Variants in GOLM1 observed in about 807,000 individuals in gnomAD.
GOLM1 encodes the protein golgi membrane protein 1.
In GOLM1, 31 loss-of-function variants were observed where a neutral mutation model predicts 50.5. The observed-to-expected ratio is 0.61, with a 90% CI of 0.46 to 0.83. GOLM1 has a LOEUF of 0.83. Among genes scored for constraint, GOLM1 ranks in the 40% least tolerant of loss-of-function variants. The probability of loss-of-function intolerance (pLI) is 0.00; values close to 1 mark genes in which losing one functional copy is unlikely to be tolerated. For missense variants in GOLM1, 491 were observed against 501.3 expected (o/e 0.98, Z 0.20); for synonymous variants, 178 against 192.8 (o/e 0.92, Z 0.64).
chr9:86,040,472 A>G (rs1833304011), intron 6 of GOLM1, among the ~76,000 whole-genome samples: 1 of 152,156 alleles, frequency 6.6e-6, no homozygotes. Flanking sequence ...TCAAGTCAGG[A>G]AAACAGCAAC....
intron 4 of GOLM1, among the ~76,000 whole-genome samples, chr9:86,051,640 G>T (rs1421855738): frequency 6.6e-6 from 1 of 152,152 alleles, no homozygotes; most frequent in Non-Finnish European, 1.5e-5. Flanking sequence ...CAAGCTTTTG[G>T]GGGTGATGAA....
intron 3 of GOLM1, among the ~76,000 whole-genome samples, chr9:86,065,650 G>A (rs1834287302): frequency 4.6e-5 from 7 of 152,134 alleles, no homozygotes; most frequent in South Asian, 2.1e-4. Flanking sequence ...CTCAGGTGCC[G>A]GGAGCCTTCC....
intron 6 of GOLM1, chr9:86,036,725 ATAC>A: frequency 3.5e-6 from 2 of 572,200 alleles, no homozygotes; most frequent in Non-Finnish European, 6.1e-6. Context: ...AGTACTGTCA[ATAC>A]AGAATAAAAC....
At chr9:86,055,127 C>G (rs901557751) in intron 3 of GOLM1, among the ~76,000 whole-genome samples, 17 of 152,100 alleles carry the variant, frequency 1.1e-4, no homozygotes, top group African/African-American at 4.1e-4. Flanking sequence ...GGATGCATGC[C>G]CACAAATGAA....
chr9:86,069,894 C>CT (rs58259790), intron 3 of GOLM1, among the ~76,000 whole-genome samples: 54,525 of 151,634 alleles, frequency 0.36, 12,676 homozygotes, highest in African/African-American at 0.65. Flanking sequence ...ATCTTTTTTT[C>CT]TTTTTTTGAG....
At chr9:86,048,365 T>C (rs1017215198) in intron 4 of GOLM1, among the ~76,000 whole-genome samples, 3 of 152,190 alleles carry the variant, frequency 2.0e-5, no homozygotes, top group Non-Finnish European at 4.4e-5. Flanking sequence ...ATAGCATGAT[T>C]TATAATCCTT....
At chr9:86,032,183 T>C (rs1230891210) in intron 9 of GOLM1, among the ~76,000 whole-genome samples, 1 of 151,988 alleles carries the variant, frequency 6.6e-6, no homozygotes, top group Non-Finnish European at 1.5e-5. Flanking sequence ...GTTGTTGTTG[T>C]TGAGATGGAT....
chr9:86,079,256 A>G lies in GOLM1; in HGVS notation c.65T>C (p.Val22Ala), dbSNP rs775256667. ...GAAGCCCAAGACGATGATGCAGGCC[A>G]CCAGGGCGGCCAGCACGAGGGGCGG... ...KSPPLVLAAL[V>A]ACIIVLGFNY... Residue 22 changes from valine (V) to alanine (A), a missense_variant, in exon 2 of 10, where the codon GTG becomes GCG. Physicochemically the swap from Val to Ala is moderately conservative, Grantham distance 64. Transcript: ENST00000388712. 1.7e-5 allele frequency: 27 copies of G among 1,610,914 alleles called. No homozygotes were observed. The highest frequency in any genetic ancestry group is 2.1e-5 in the Non-Finnish European group (25 of 1,177,602).
intron 4 of GOLM1, among the ~76,000 whole-genome samples, chr9:86,047,034 C>G (rs1035458963): frequency 1.3e-4 from 20 of 152,200 alleles, no homozygotes; most frequent in African/African-American, 4.8e-4. Flanking sequence ...ACACCCTGCC[C>G]TCGGCCACCA....
chr9:86,054,029 T>C (rs1045316655), intron 3 of GOLM1, among the ~76,000 whole-genome samples: 3 of 152,126 alleles, frequency 2.0e-5, no homozygotes, highest in South Asian at 2.1e-4. Context: ...CTGGCCTCCT[T>C]CTCCTGTCCA....
At chr9:86,067,938 G>T (rs987478275) in intron 3 of GOLM1, among the ~76,000 whole-genome samples, 11 of 152,252 alleles carry the variant, frequency 7.2e-5, no homozygotes, top group Non-Finnish European at 1.5e-4. Context: ...CCTGGAAGGT[G>T]GAGGTTGCAG....
At chr9:86,039,635 G>A (rs1833265576) in intron 6 of GOLM1, among the ~76,000 whole-genome samples, 2 of 152,172 alleles carry the variant, frequency 1.3e-5, no homozygotes, top group Admixed American at 1.3e-4. Flanking sequence ...GACACATGCT[G>A]CAACCCCGAT....
chr9:86,090,436 G>A (rs12342355), intron 1 of GOLM1, among the ~76,000 whole-genome samples: 30,097 of 152,048 alleles, frequency 0.2, 4,592 homozygotes, highest in East Asian at 0.52. Context: ...GAGATGCCCT[G>A]CTCAGAGAGG....
At chr9:86,096,382 T>C (rs902801869) in intron 1 of GOLM1, among the ~76,000 whole-genome samples, 14 of 152,202 alleles carry the variant, frequency 9.2e-5, no homozygotes, top group Middle Eastern at 3.2e-3. Flanking sequence ...ACATCTAAAA[T>C]AGTATCTGGT....
At chr9:86,059,019 TAAAAAAG>T (rs1212046348) in intron 3 of GOLM1, among the ~76,000 whole-genome samples, 11 of 151,142 alleles carry the variant, frequency 7.3e-5, no homozygotes, top group Admixed American at 2.0e-4. Context: ...TAAATAAAAA[TAAAAAAG>T]GAAAATAACA....
chr9:86,070,443 G>T (rs770844019), intron 3 of GOLM1, among the ~76,000 whole-genome samples: 40 of 151,966 alleles, frequency 2.6e-4, no homozygotes, highest in Non-Finnish European at 1.6e-4. Flanking sequence ...GTGGTGGCAC[G>T]TGACTGTAAT....
chr9:86,045,763 G>A lies in GOLM1; in HGVS notation c.467+707C>T, dbSNP rs760950273. Among the ~76,000 whole-genome samples the A allele has an allele frequency of 5.9e-5, 9 of 151,884 alleles. No individual in the cohort carries two copies. In the South Asian group the frequency reaches 8.3e-4, roughly 14 times the overall value. ...TGATTAAATTTTTTTGATGATGACTGCAATTAAGTAAACATTCATGTGAAC... is the reference window on the plus strand; with the variant it reads ...TGATTAAATTTTTTTGATGATGACTACAATTAAGTAAACATTCATGTGAAC... On this transcript the variant is annotated intron_variant, in intron 5 of 9. Transcript: ENST00000388712.
At chr9:86,078,414 C>T (rs985316357) in intron 2 of GOLM1, among the ~76,000 whole-genome samples, 18 of 152,096 alleles carry the variant, frequency 1.2e-4, no homozygotes, top group African/African-American at 3.9e-4. Flanking sequence ...GGATGGAAAT[C>T]GCCCCCAGAG....
At chr9:86,051,169 C>T (rs1238235156) in intron 4 of GOLM1, among the ~76,000 whole-genome samples, 1 of 152,044 alleles carries the variant, frequency 6.6e-6, no homozygotes, top group Non-Finnish European at 1.5e-5. Flanking sequence ...TGTAGTTGAG[C>T]GGTTTTGAGT....
Sources: gnomAD v4.1 joint callset for allele counts (sites outside exome capture counted in the v4.1 genomes callset) on GRCh38, gnomAD v4.1.1 for gene constraint, MANE v1.5 for transcripts, NCBI Gene and HGNC (gene_info 2026-07-23, HGNC 2026-07-21) for gene names.